Variants in ETFDH observed in about 807,000 individuals in gnomAD.
The protein encoded by ETFDH is electron transfer flavoprotein-ubiquinone oxidoreductase, mitochondrial.
A neutral mutation model predicts 73.2 loss-of-function variants in ETFDH; 61 were observed. The ratio of observed to expected loss-of-function variants is 0.83; its 90% CI spans 0.68 to 1.03. The LOEUF is 1.03. Among genes scored for constraint, ETFDH ranks in the 50% least tolerant of loss-of-function variants. The pLI, the probability that ETFDH is intolerant of heterozygous loss-of-function variation, is 0.00. For synonymous variants in ETFDH, 243 were observed against 253.3 expected (o/e 0.96, Z 0.39); for missense variants, 685 against 745.0 (o/e 0.92, Z 0.94).
At chr4:158,698,143 CT>C (rs139924215) in intron 8 of ETFDH, among the ~76,000 whole-genome samples, 6,098 of 152,290 alleles carry the variant, frequency 0.04, 190 homozygotes, top group Non-Finnish European at 0.061. Context: ...GAACTTAGAA[CT>C]TTTTAAAAAT....
At chr4:158,683,585 G>T (rs569336264) in intron 3 of ETFDH, among the ~76,000 whole-genome samples, 1 of 151,958 alleles carries the variant, frequency 6.6e-6, no homozygotes, top group African/African-American at 2.4e-5. Flanking sequence ...TATTGCTTTG[G>T]CACCTTTTTT....
intron 11 of ETFDH, 89 bp from the exon 12 acceptor site, chr4:158,706,540 T>G: frequency 8.4e-7 from 1 of 1,192,356 alleles, no homozygotes; most frequent in African/African-American, 1.5e-5. Flanking sequence ...TTTGGTGTGA[T>G]AATATTTTGA....
At chr4:158,692,130 A>G (rs975426812) in intron 6 of ETFDH, among the ~76,000 whole-genome samples, 1 of 152,162 alleles carries the variant, frequency 6.6e-6, no homozygotes, top group Non-Finnish European at 1.5e-5. Flanking sequence ...GCAGTGGCTC[A>G]CGCCTGTAAT....
chr4:158,691,796 G>A (rs1279352163), intron 6 of ETFDH, among the ~76,000 whole-genome samples: 3 of 152,032 alleles, frequency 2.0e-5, no homozygotes, highest in Non-Finnish European at 4.4e-5. Flanking sequence ...TCACTCTTTG[G>A]AAAAGATAAG....
chr4:158,690,634 AC>A (rs2150309119), intron 6 of ETFDH, among the ~76,000 whole-genome samples: 1 of 152,164 alleles, frequency 6.6e-6, no homozygotes, highest in South Asian at 2.1e-4. Flanking sequence ...AGTCATAATC[AC>A]GCCACTTCAT....
intron 9 of ETFDH, 37 bp downstream of exon 9, chr4:158,699,167 T>G (rs373404929): frequency 1.3e-5 from 20 of 1,561,318 alleles, no homozygotes; most frequent in Non-Finnish European, 1.7e-5. Context: ...TGTTTCTGTA[T>G]TATAAATTCA....
At chr4:158,688,473 C>G (rs900745166) in intron 5 of ETFDH, among the ~76,000 whole-genome samples, 3 of 150,142 alleles carry the variant, frequency 2.0e-5, no homozygotes, top group Non-Finnish European at 4.4e-5. Flanking sequence ...ATCACGAGGT[C>G]AGGAGATCGA....
intron 1 of ETFDH, among the ~76,000 whole-genome samples, chr4:158,674,297 A>G (rs745440019): frequency 5.9e-5 from 9 of 151,826 alleles, no homozygotes; most frequent in Non-Finnish European, 1.2e-4. Flanking sequence ...TGTTGCCAAT[A>G]TAGTTTTTTT....
At chr4:158,706,158 C>G in intron 10 of ETFDH, 31 bp from the exon 11 acceptor site, 1 of 1,471,254 alleles carries the variant, frequency 6.8e-7, no homozygotes, top group Non-Finnish European at 9.5e-7. Flanking sequence ...TGGGCAGTTT[C>G]GCACTTAACA....
At chr4:158,674,261 T>C (rs1285312690) in intron 1 of ETFDH, among the ~76,000 whole-genome samples, 1 of 151,952 alleles carries the variant, frequency 6.6e-6, no homozygotes, top group African/African-American at 2.4e-5. Context: ...TGAGGATAGG[T>C]GAATAGTTAT....
intron 1 of ETFDH, among the ~76,000 whole-genome samples, chr4:158,677,970 T>C (rs988995008): frequency 3.3e-5 from 5 of 152,246 alleles, no homozygotes; most frequent in Admixed American, 2.0e-4. Context: ...ATATAGGGTT[T>C]GATCTTTCTT....
chr4:158,691,490 A>G (rs1201461854), intron 6 of ETFDH, among the ~76,000 whole-genome samples: 1 of 151,552 alleles, frequency 6.6e-6, no homozygotes, highest in African/African-American at 2.4e-5. Context: ...ATACCTGGCT[A>G]CTTTTTGTAT....
chr4:158,697,102 A>T (rs1050531394), intron 7 of ETFDH, among the ~76,000 whole-genome samples: 11 of 147,588 alleles, frequency 7.5e-5, no homozygotes, highest in African/African-American at 1.7e-4. Flanking sequence ...TTATTTTTTT[A>T]TTTTTTTTTT....
chr4:158,688,458 G>A (rs1295295553), intron 5 of ETFDH, among the ~76,000 whole-genome samples: 2 of 151,460 alleles, frequency 1.3e-5, no homozygotes, highest in East Asian at 3.9e-4. Context: ...GGCTGAGGTG[G>A]GCGGATCACG....
intron 2 of ETFDH, chr4:158,681,951 G>T: frequency 1.9e-6 from 1 of 521,658 alleles, no homozygotes. Flanking sequence ...TTTGCTAAAT[G>T]TATAATAATA....
At chr4:158,675,328 C>T (rs1773684166) in intron 1 of ETFDH, among the ~76,000 whole-genome samples, 1 of 152,186 alleles carries the variant, frequency 6.6e-6, no homozygotes, top group Admixed American at 6.5e-5. Context: ...TTTCACATAG[C>T]ATATTGTTTT....
intron 1 of ETFDH, 38 bp from the exon 2 acceptor site, chr4:158,680,429 T>C (rs1374630088): frequency 1.3e-6 from 2 of 1,538,792 alleles, no homozygotes; most frequent in East Asian, 4.5e-5. Flanking sequence ...GGAAAACTAA[T>C]TTTAAGGAAG....
Position 158,706,288 on chromosome 4 carries a change from T to A in ETFDH, c.1385T>A (p.Leu462Gln). 1 of 1,611,704 alleles carries A rather than the reference T, an allele frequency of 6.2e-7. No homozygotes were observed. The highest frequency in any genetic ancestry group is 1.3e-5 in the African/African-American group (1 of 74,992). The change falls in exon 11 of 13, where the codon CTG becomes CAG. Residue 462 changes from leucine (L) to glutamine (Q), a missense_variant. By Grantham distance (113) the Leu-to-Gln change is moderately radical (BLOSUM62 -2). This residue lies in a region of ETFDH where 201 missense variants were observed against 225.2 expected (regional missense o/e 0.89). Coordinates refer to ENST00000511912, the MANE Select transcript of ETFDH (RefSeq NM_004453.4). ...RNIRPSCHGV[L>Q]GVYGGMIYTG... ...ATAAGACCGTCCTGCCACGGAGTAC[T>A]GGGTGTATATGGAGGGATGATTTAC... is the stretch of plus-strand genomic sequence containing the variant.
In ETFDH at chr4:158,708,807, G is replaced by A; in HGVS notation, c.*280G>A. The A allele has an allele frequency of 2.8e-6, 1 of 351,052 alleles. No individual in the cohort carries two copies. Among genetic ancestry groups the A allele is most frequent in the Non-Finnish European group, 5.3e-6 (1 of 189,960 alleles). The allele number at this position is 351,052 out of a possible 1,614,324, so 21.7% of individuals were successfully genotyped here. A position where few individuals can be genotyped will look rare whatever the true frequency, so the allele number is the denominator to read the frequency against. ...CACTACTGGACTTTACATTTGACTT[G>A]CCAAAGTTAAGTAATCAAATATAAA... On this transcript the variant is annotated 3_prime_UTR_variant, in exon 13 of 13. Transcript: ENST00000511912.
Sources: allele counts gnomAD v4.1 joint callset (sites outside exome capture counted in the v4.1 genomes callset), GRCh38; gene constraint gnomAD v4.1.1; regional missense constraint gnomAD v4.1.1; transcripts MANE v1.5; gene names NCBI Gene and HGNC (gene_info 2026-07-23, HGNC 2026-07-21).